Variants in REV1 observed in about 807,000 individuals in gnomAD.
REV1 encodes the protein REV1 DNA directed polymerase, also known as translesion synthesis protein REV1.
Under a neutral mutation model 137.4 loss-of-function variants are expected in REV1, and 42 were observed. The observed-to-expected ratio is 0.31, with a 90% confidence interval of 0.24 to 0.40. The LOEUF is 0.40. REV1 is among the 10% of genes least tolerant of loss of function. REV1 has a pLI of 1.00. For synonymous variants in REV1, 524 were observed against 519.2 expected, an observed-to-expected ratio of 1.01 and a Z score of -0.12; for missense variants, 1,282 against 1,490.1, an observed-to-expected ratio of 0.86 and a Z score of 2.30.
chr2:99,443,963 C>T (rs954452721), intron 4 of REV1, among the ~76,000 whole-genome samples: 1 of 152,052 alleles, frequency 6.6e-6, no homozygotes, highest in Non-Finnish European at 1.5e-5. Flanking sequence ...GGACTACAGG[C>T]GCCTGCCACC....
At chr2:99,418,591 T>TA (rs925723336) in intron 12 of REV1, among the ~76,000 whole-genome samples, 3 of 152,162 alleles carry the variant, frequency 2.0e-5, no homozygotes, top group African/African-American at 7.2e-5. Context: ...ACTTGAGAAA[T>TA]ACCTAAAGTA....
Position 99,477,608 on chromosome 2 carries a change from T to C in REV1, c.-11+12209A>G, listed in dbSNP as rs146404846. Among the ~76,000 whole-genome samples the C allele has an allele frequency of 2.9e-3, 445 of 152,362 alleles. 3 individuals carry two copies. The highest frequency in any genetic ancestry group is 0.01 in the African/African-American group (431 of 41,590). ...TAATATGATTTTGATTCAATATCTA[T>C]ATAAATTAAAAATAGACAAACAATA... On this transcript the variant is annotated intron_variant, in intron 1 of 22. Transcript: ENST00000258428.
At chr2:99,470,064 T>C (rs1685241434) in intron 1 of REV1, among the ~76,000 whole-genome samples, 1 of 150,410 alleles carries the variant, frequency 6.6e-6, no homozygotes, top group Non-Finnish European at 1.5e-5. Flanking sequence ...GAGCTTGCAG[T>C]GAGCCGAGAT....
chr2:99,476,026 C>A (rs1244911443), intron 1 of REV1, among the ~76,000 whole-genome samples: 1 of 152,180 alleles, frequency 6.6e-6, no homozygotes, highest in Non-Finnish European at 1.5e-5. Flanking sequence ...TATGATTCTA[C>A]ACATCTAGTT....
At chr2:99,440,835 C>CATT (rs997281782) in intron 5 of REV1, among the ~76,000 whole-genome samples, 3 of 152,152 alleles carry the variant, frequency 2.0e-5, no homozygotes, top group African/African-American at 7.2e-5. Flanking sequence ...CCTTTACATG[C>CATT]ATTATAGCAA....
intron 1 of REV1, among the ~76,000 whole-genome samples, chr2:99,485,302 C>T (rs913393423): frequency 6.6e-6 from 1 of 152,150 alleles, no homozygotes. Flanking sequence ...TCTTTCTTCT[C>T]TTATTTCTGT....
chr2:99,486,236 T>C (rs1437835222), intron 1 of REV1, among the ~76,000 whole-genome samples: 1 of 152,194 alleles, frequency 6.6e-6, no homozygotes, highest in East Asian at 1.9e-4. Context: ...GGTTTAAAAT[T>C]TCCCTGTTCT....
At chr2:99,451,779 A>C (rs1196542813) in intron 3 of REV1, among the ~76,000 whole-genome samples, 2 of 151,966 alleles carry the variant, frequency 1.3e-5, no homozygotes, top group African/African-American at 4.8e-5. Context: ...CTACGAAAAA[A>C]AAAATGACAG....
At chr2:99,463,401 C>T (rs774241488) in intron 2 of REV1, among the ~76,000 whole-genome samples, 4 of 151,902 alleles carry the variant, frequency 2.6e-5, no homozygotes, top group African/African-American at 4.8e-5. Context: ...TGCCTGTAAT[C>T]CCAGTTACTC....
chr2:99,471,699 A>C (rs904240880), intron 1 of REV1, among the ~76,000 whole-genome samples: 1 of 152,098 alleles, frequency 6.6e-6, no homozygotes, highest in African/African-American at 2.4e-5. Flanking sequence ...AACTCCTACC[A>C]TAAACTGTAA....
intron 11 of REV1, among the ~76,000 whole-genome samples, chr2:99,421,111 A>C (rs1406749729): frequency 6.6e-6 from 1 of 152,192 alleles, no homozygotes; most frequent in Admixed American, 6.5e-5. Flanking sequence ...GAGTGAAGAC[A>C]GGAATAGCTC....
chr2:99,449,375 T>C lies in REV1; in HGVS notation c.311A>G (p.Lys104Arg), dbSNP rs774412439. 41 of 1,563,098 alleles carry C rather than the reference T, an allele frequency of 2.6e-5. No individual in the cohort carries two copies. In the Middle Eastern group the frequency reaches 1.9e-3, roughly 71 times the overall value. ...TTCTGGTCGAATTACTTTTTCCCCC[T>C]TTAATTCTTTAATTTTGGCATTGGG... ...NLPNAKIKELKGEKVIRPEWI... is the reference protein window; with the variant it reads ...NLPNAKIKELRGEKVIRPEWI... Residue 104 changes from lysine (K) to arginine (R), a missense_variant, in exon 4 of 23, where the codon AAG (lysine) becomes AGG (arginine). By Grantham distance (26) the Lys-to-Arg change is conservative. This residue lies in a region of REV1 where 107 missense variants were observed against 164.3 expected (regional missense o/e 0.65). Coordinates refer to ENST00000258428, the MANE Select transcript of REV1 (RefSeq NM_016316.4).
At chr2:99,442,213 T>G (rs1380581092) in intron 5 of REV1, 104 bp downstream of exon 5, 4 of 1,076,352 alleles carry the variant, frequency 3.7e-6, no homozygotes, top group Admixed American at 6.2e-5. Context: ...GATCATACCA[T>G]TGCACTCCAG....
intron 1 of REV1, among the ~76,000 whole-genome samples, chr2:99,473,378 A>G (rs1685628016): frequency 8.7e-6 from 1 of 115,092 alleles, no homozygotes; most frequent in African/African-American, 3.1e-5. Context: ...AAAAAAAAAA[A>G]AGAAAAGAAA....
intron 16 of REV1, 31 bp downstream of exon 16, chr2:99,406,294 C>T (rs764516976): frequency 6.3e-7 from 1 of 1,576,482 alleles, no homozygotes; most frequent in Non-Finnish European, 8.6e-7. Flanking sequence ...TAAGCAGCAC[C>T]TAAAAAAGAA....
rs935147742 is a variant in REV1, at chr2:99,454,671, G to C, written c.182-5167C>G. ...GAGGCAGGAAGATCCGTTGAGCTCA[G>C]GAGTTTGGGGCTGCAGTGAGCTATG... On this transcript the variant is annotated intron_variant, in intron 3 of 22. Coordinates refer to ENST00000258428, the MANE Select transcript of REV1 (RefSeq NM_016316.4). Among the ~76,000 whole-genome samples, 4 of 151,922 alleles carry C rather than the reference G, an allele frequency of 2.6e-5. No individual in the cohort carries two copies. In the East Asian group the frequency reaches 7.7e-4, roughly 29 times the overall value.
Position 99,402,263 on chromosome 2 carries a change from C to T in REV1, c.3625G>A (p.Val1209Ile), listed in dbSNP as rs1235346730. 1.4e-6 allele frequency: 2 copies of T among 1,379,774 alleles called. No individual in the cohort carries two copies. The highest frequency in any genetic ancestry group is 2.0e-6 in the Non-Finnish European group (2 of 990,914). 85.5% of individuals were successfully genotyped at this position (1,379,774 alleles called of 1,614,324 possible). Residue 1209 changes from valine to isoleucine, a missense_variant, in exon 22 of 23, where the codon GTT becomes ATT. By Grantham distance (29) the Val-to-Ile change is conservative. Coordinates refer to ENST00000258428, the MANE Select transcript of REV1 (RefSeq NM_016316.4). Reference protein sequence around the residue: ...EEKDLEKLDLVIKYMKRLMQQ... With the variant: ...EEKDLEKLDLIIKYMKRLMQQ... ...TACTACCTTTTCATGTATTTTATAA[C>T]TAGATCCAGTTTTTCCAAATCTTTT...
At chr2:99,479,208 G>A (rs1394276224) in intron 1 of REV1, among the ~76,000 whole-genome samples, 1 of 151,340 alleles carries the variant, frequency 6.6e-6, no homozygotes, top group Non-Finnish European at 1.5e-5. Context: ...CTCCCCTGTA[G>A]TCCCAGCTAC....
Position 99,455,721 on chromosome 2 carries a change from C to T in REV1, c.182-6217G>A, listed in dbSNP as rs1683463073. 2.6e-5 allele frequency among the ~76,000 whole-genome samples: 4 copies of T among 152,046 alleles called. No individual in the cohort carries two copies. The South Asian group carries it at 8.3e-4, about 31-fold the overall frequency. ...TTTATTTCCAAAAAATTAGACTTGT[C>T]AACACTAAAGAGAATCCTCTCCTAA... On this transcript the variant is annotated intron_variant, in intron 3 of 22. Transcript: ENST00000258428.
Sources: allele counts gnomAD v4.1 joint callset (sites outside exome capture counted in the v4.1 genomes callset), GRCh38; gene constraint gnomAD v4.1.1; regional missense constraint gnomAD v4.1.1; transcripts MANE v1.5; gene names NCBI Gene and HGNC (gene_info 2026-07-23, HGNC 2026-07-21).